MACROD2: variants seen among roughly 807,000 people sequenced by gnomAD.
MACROD2 encodes mono-ADP ribosylhydrolase 2, also known as ADP-ribose glycohydrolase MACROD2.
MACROD2 carries 36 observed loss-of-function variants against 70.4 expected under a neutral mutation model. The observed-to-expected ratio is 0.51, with a 90% CI of 0.39 to 0.68. The LOEUF is 0.68. MACROD2 is among the 30% of genes least tolerant of loss of function. The pLI is 0.00. For synonymous variants in MACROD2, 172 were observed against 178.8 expected (o/e 0.96, Z 0.30); for missense variants, 496 against 538.4 (o/e 0.92, Z 0.78).
intron 8 of MACROD2, among the ~76,000 whole-genome samples, chr20:15,672,858 G>A (rs947009044): frequency 7.9e-5 from 12 of 152,116 alleles, no homozygotes; most frequent in African/African-American, 1.9e-4. Context: ...GGAGGGGCCC[G>A]GTGGTAGGTA....
At chr20:15,845,915 G>T (rs2064225769) in intron 8 of MACROD2, among the ~76,000 whole-genome samples, 1 of 152,170 alleles carries the variant, frequency 6.6e-6, no homozygotes, top group Non-Finnish European at 1.5e-5. Context: ...TGAAATTTAA[G>T]CCTATTCTCT....
intron 2 of MACROD2, among the ~76,000 whole-genome samples, chr20:14,046,715 T>TTTTATTTA (rs57310891): frequency 0.039 from 5,722 of 145,832 alleles, 129 homozygotes; most frequent in East Asian, 0.066. Flanking sequence ...AAGCATTCTC[T>TTTTATTTA]TTTATTTATT....
chr20:15,359,292 C>A (rs1270896664), intron 6 of MACROD2, among the ~76,000 whole-genome samples: 2 of 150,890 alleles, frequency 1.3e-5, no homozygotes, highest in Non-Finnish European at 2.9e-5. Flanking sequence ...TGAATCAGAA[C>A]CTTCAACTGA....
At chr20:15,706,582 A>G (rs952107437) in intron 8 of MACROD2, among the ~76,000 whole-genome samples, 5 of 152,216 alleles carry the variant, frequency 3.3e-5, no homozygotes, top group Non-Finnish European at 7.4e-5. Context: ...ATTGGTTCTG[A>G]TTCTCTCATA....
At chr20:15,993,418 A>G (rs2066585979) in intron 15 of MACROD2, among the ~76,000 whole-genome samples, 1 of 152,110 alleles carries the variant, frequency 6.6e-6, no homozygotes, top group African/African-American at 2.4e-5. Flanking sequence ...TTACCATTGT[A>G]TTATAATTAT....
chr20:14,961,891 A>C (rs1018003284), intron 5 of MACROD2, among the ~76,000 whole-genome samples: 1 of 152,196 alleles, frequency 6.6e-6, no homozygotes. Context: ...CCATATGACA[A>C]TTATCAAGAA....
At chr20:14,692,372 C>T (rs565720131) in intron 5 of MACROD2, among the ~76,000 whole-genome samples, 1 of 152,278 alleles carries the variant, frequency 6.6e-6, no homozygotes, top group East Asian at 1.9e-4. Flanking sequence ...ACACGTTCTT[C>T]TTTTCCTTTA....
At chr20:14,383,142 C>A (rs1386719552) in intron 3 of MACROD2, among the ~76,000 whole-genome samples, 2 of 152,142 alleles carry the variant, frequency 1.3e-5, no homozygotes, top group East Asian at 3.8e-4. Flanking sequence ...AAAATGCATT[C>A]TTGCTTTCTT....
At chr20:15,282,398 G>T (rs375916248) in intron 6 of MACROD2, among the ~76,000 whole-genome samples, 4 of 152,148 alleles carry the variant, frequency 2.6e-5, no homozygotes, top group African/African-American at 9.7e-5. Flanking sequence ...GTAAACATAA[G>T]TTCCAATTCC....
chr20:14,023,965 T>C (rs1009067513), intron 2 of MACROD2, among the ~76,000 whole-genome samples: 4 of 152,056 alleles, frequency 2.6e-5, no homozygotes, highest in African/African-American at 7.2e-5. Context: ...ATGGGGATGG[T>C]ATTGAATCTA....
intron 17 of MACROD2, 77 bp downstream of exon 17, chr20:16,044,716 C>G (rs1471477177): frequency 7.1e-7 from 1 of 1,398,820 alleles, no homozygotes; most frequent in African/African-American, 1.4e-5. Context: ...TACTGGATTT[C>G]CCTTGGTTTT....
At chr20:15,435,606 C>A (rs73270976) in intron 7 of MACROD2, among the ~76,000 whole-genome samples, 7,903 of 152,150 alleles carry the variant, frequency 0.052, 653 homozygotes, top group African/African-American at 0.17. Context: ...GAAATTTTAT[C>A]CCATTGTGGT....
chr20:15,343,490 A>T (rs1174189604), intron 6 of MACROD2, among the ~76,000 whole-genome samples: 3 of 152,196 alleles, frequency 2.0e-5, no homozygotes, highest in African/African-American at 7.2e-5. Context: ...ACAGTCAGTG[A>T]TATCTTCTCT....
intron 7 of MACROD2, among the ~76,000 whole-genome samples, chr20:15,470,065 T>A (rs1411404852): frequency 6.6e-6 from 1 of 152,296 alleles, no homozygotes; most frequent in East Asian, 1.9e-4. Flanking sequence ...ATTTTATTTT[T>A]TTGAGACAGA....
rs185125396 is a variant in MACROD2, at chr20:15,776,145, A to G, written c.646-86600A>G. Among the ~76,000 whole-genome samples, 3 of 152,260 alleles carry G rather than the reference A, an allele frequency of 2.0e-5. No individual in the cohort carries two copies. In the East Asian group the frequency reaches 5.8e-4, roughly 29 times the overall value. ...AATACAGATTTCTGGCTTCTCTTGG[A>G]AGACTAGGACACACATGCCCAAGAA... On this transcript the variant is annotated intron_variant, in intron 8 of 17. Coordinates refer to ENST00000684519, the MANE Select transcript of MACROD2 (RefSeq NM_001351661.2).
intron 6 of MACROD2, among the ~76,000 whole-genome samples, chr20:15,234,183 T>C (rs175294): frequency 0.61 from 82,186 of 135,544 alleles, 25,128 homozygotes; most frequent in African/African-American, 0.76. Context: ...AGGCGCCCGC[T>C]ACCACGCCCG....
At chr20:14,485,920 A>C (rs897316700) in intron 3 of MACROD2, among the ~76,000 whole-genome samples, 37 of 152,128 alleles carry the variant, frequency 2.4e-4, no homozygotes, top group Non-Finnish European at 5.1e-4. Flanking sequence ...CTTCAAATGG[A>C]AACAGAAGAA....
At chr20:14,832,534 T>G (rs1339577152) in intron 5 of MACROD2, among the ~76,000 whole-genome samples, 1 of 152,024 alleles carries the variant, frequency 6.6e-6, no homozygotes, top group African/African-American at 2.4e-5. Flanking sequence ...AGAGCCACAT[T>G]TGTTTTCAAG....
At position 15,961,879 on chromosome 20, in the gene MACROD2, G is replaced by C. The variant is rs1360520034; in HGVS notation, c.908-5674G>C. Among the ~76,000 whole-genome samples, 3 of 152,074 alleles carry C rather than the reference G, an allele frequency of 2.0e-5. No homozygotes were observed. In the East Asian group the frequency reaches 5.8e-4, roughly 29 times the overall value. ...TGGTGTGAGGCTTAGTAAGAGAGAGGGAGGCAAGATGAGAAAGAAATCAGA... is the reference window on the plus strand; with the variant it reads ...TGGTGTGAGGCTTAGTAAGAGAGAGCGAGGCAAGATGAGAAAGAAATCAGA... On this transcript the variant is annotated intron_variant, in intron 12 of 17. Coordinates refer to ENST00000684519, the MANE Select transcript of MACROD2 (RefSeq NM_001351661.2).
Sources: gnomAD v4.1 joint callset for allele counts (sites outside exome capture counted in the v4.1 genomes callset) on GRCh38, gnomAD v4.1.1 for gene constraint, MANE v1.5 for transcripts, NCBI Gene and HGNC (gene_info 2026-07-23, HGNC 2026-07-21) for gene names.